SUPT3H: variants seen among roughly 807,000 people sequenced by gnomAD.
SUPT3H encodes transcription initiation protein SPT3 homolog.
SUPT3H carries 44 observed loss-of-function variants against 44.3 expected under a neutral mutation model. The ratio of observed to expected loss-of-function variants is 0.99; its 90% CI spans 0.78 to 1.28. The LOEUF is 1.28. Ranked by LOEUF, SUPT3H falls within the 50% of genes most tolerant of loss-of-function variation. The pLI is 0.00. For missense variants in SUPT3H, 380 were observed against 387.1 expected, an observed-to-expected ratio of 0.98 and a Z score of 0.15; for synonymous variants, 124 against 125.6, an observed-to-expected ratio of 0.99 and a Z score of 0.09.
chr6:44,936,007 A>G (rs138410968), intron 9 of SUPT3H, among the ~76,000 whole-genome samples: 4 of 152,348 alleles, frequency 2.6e-5, no homozygotes, highest in African/African-American at 9.6e-5. Context: ...CACATCTATA[A>G]TGGTAAACTA....
At chr6:44,994,588 T>A (rs1312807286) in intron 6 of SUPT3H, among the ~76,000 whole-genome samples, 1 of 152,072 alleles carries the variant, frequency 6.6e-6, no homozygotes, top group Non-Finnish European at 1.5e-5. Flanking sequence ...GACAGGACAT[T>A]TCATCCTACT....
intron 9 of SUPT3H, among the ~76,000 whole-genome samples, chr6:44,952,837 T>C (rs1204225674): frequency 1.3e-5 from 2 of 152,198 alleles, no homozygotes; most frequent in Admixed American, 1.3e-4. Context: ...AGGGGCAATC[T>C]AAAAACTCAA....
intron 2 of SUPT3H, among the ~76,000 whole-genome samples, chr6:45,155,990 A>G (rs538842679): frequency 8.5e-5 from 13 of 152,276 alleles, no homozygotes; most frequent in East Asian, 3.9e-4. Flanking sequence ...AATAAAGCCA[A>G]ACTCATTACC....
At chr6:45,248,395 A>C (rs1429214118) in intron 2 of SUPT3H, among the ~76,000 whole-genome samples, 1 of 152,134 alleles carries the variant, frequency 6.6e-6, no homozygotes, top group East Asian at 1.9e-4. Context: ...AGCTCTCCAA[A>C]TAAAAAAAAT....
intron 10 of SUPT3H, among the ~76,000 whole-genome samples, chr6:44,931,493 C>A (rs1239370742): frequency 6.6e-6 from 1 of 151,968 alleles, no homozygotes; most frequent in Non-Finnish European, 1.5e-5. Flanking sequence ...CAGCTTCACC[C>A]ATCATGTAAA....
At position 44,979,545 on chromosome 6, in the gene SUPT3H, G is replaced by GGC. The variant is rs564838990; in HGVS notation, c.505-17718_505-17717insGC. Among the ~76,000 whole-genome samples the GGC allele has an allele frequency of 3.9e-3, 588 of 151,900 alleles. 7 individuals are homozygous for GGC. Among genetic ancestry groups the GGC allele is most frequent in the African/African-American group, 0.014 (561 of 41,484 alleles). On this transcript the variant is annotated intron_variant, in intron 6 of 10. Transcript: ENST00000371459. ...GAAAGAATGAACAAAGTGTGTGTGG[G>GGC]GGGGGGAAATCAATGTTCTATGTAA...
chr6:45,075,259 T>G (rs916972807), intron 3 of SUPT3H, among the ~76,000 whole-genome samples: 3 of 152,082 alleles, frequency 2.0e-5, no homozygotes, highest in African/African-American at 7.2e-5. Flanking sequence ...AATACCTTCC[T>G]AAACAGTTAA....
intron 10 of SUPT3H, among the ~76,000 whole-genome samples, chr6:44,930,236 C>A (rs12524069): frequency 0.34 from 51,023 of 151,810 alleles, 9,504 homozygotes; most frequent in Admixed American, 0.41. Context: ...ACAAAATTAG[C>A]CAGGCGTGAT....
chr6:45,044,081 A>C (rs1208851277), intron 3 of SUPT3H, among the ~76,000 whole-genome samples: 2 of 152,182 alleles, frequency 1.3e-5, no homozygotes, highest in African/African-American at 2.4e-5. Flanking sequence ...CCTCCCATTT[A>C]CCTAAACATC....
At chr6:45,187,639 T>C (rs1375062046) in intron 2 of SUPT3H, among the ~76,000 whole-genome samples, 1 of 152,202 alleles carries the variant, frequency 6.6e-6, no homozygotes, top group African/African-American at 2.4e-5. Flanking sequence ...ATATAATCTG[T>C]TCCAGGAAAT....
At chr6:44,946,225 G>T in intron 9 of SUPT3H, among the ~76,000 whole-genome samples, 1 of 152,190 alleles carries the variant, frequency 6.6e-6, no homozygotes, top group South Asian at 2.1e-4. Context: ...TCACCCAAGA[G>T]CTCTGCTGGA....
At chr6:45,076,502 G>GAA (rs11411267) in intron 3 of SUPT3H, among the ~76,000 whole-genome samples, 46 of 142,874 alleles carry the variant, frequency 3.2e-4, no homozygotes, top group Non-Finnish European at 3.8e-4. Context: ...ACTACAAGAA[G>GAA]AAAAAAAAAA....
intron 3 of SUPT3H, chr6:45,098,753 A>T: frequency 2.1e-6 from 1 of 472,206 alleles, no homozygotes; most frequent in Non-Finnish European, 4.2e-6. Context: ...CAGATCTAAG[A>T]CATCATCACT....
At chr6:44,973,936 C>G (rs949889929) in intron 6 of SUPT3H, among the ~76,000 whole-genome samples, 1 of 152,142 alleles carries the variant, frequency 6.6e-6, no homozygotes, top group Admixed American at 6.5e-5. Context: ...CAGGTCCCTC[C>G]CACGACACGT....
At chr6:45,216,607 A>C (rs1355491481) in intron 2 of SUPT3H, among the ~76,000 whole-genome samples, 1 of 152,200 alleles carries the variant, frequency 6.6e-6, no homozygotes, top group Non-Finnish European at 1.5e-5. Context: ...AAAGATGCCA[A>C]AGGTATGCCA....
intron 6 of SUPT3H, among the ~76,000 whole-genome samples, chr6:44,973,982 G>A (rs754422371): frequency 1.9e-4 from 29 of 152,112 alleles, no homozygotes; most frequent in Non-Finnish European, 3.5e-4. Flanking sequence ...GATGAGATTT[G>A]GGTGGGGACA....
At chr6:45,233,803 T>C (rs745367972) in intron 2 of SUPT3H, among the ~76,000 whole-genome samples, 1 of 152,180 alleles carries the variant, frequency 6.6e-6, no homozygotes, top group Non-Finnish European at 1.5e-5. Context: ...CCCACATTCC[T>C]AACCACTATG....
chr6:45,195,055 T>C (rs373863106), intron 2 of SUPT3H, among the ~76,000 whole-genome samples: 1 of 146,530 alleles, frequency 6.8e-6, no homozygotes, highest in South Asian at 2.3e-4. Context: ...ATTTCTTGTA[T>C]AATTAAATTT....
intron 2 of SUPT3H, among the ~76,000 whole-genome samples, chr6:45,160,936 G>T (rs1808850997): frequency 6.6e-6 from 1 of 152,028 alleles, no homozygotes; most frequent in Non-Finnish European, 1.5e-5. Context: ...GTTGGAGTGT[G>T]GGCCTAGTGG....
Sources: gnomAD v4.1 joint callset for allele counts (sites outside exome capture counted in the v4.1 genomes callset) on GRCh38, gnomAD v4.1.1 for gene constraint, MANE v1.5 for transcripts, NCBI Gene and HGNC (gene_info 2026-07-23, HGNC 2026-07-21) for gene names.